The following DYNC2H1 variants were observed in gnomAD, a reference collection of about 807,000 sequenced individuals.
DYNC2H1 encodes the protein dynein cytoplasmic 2 heavy chain 1, also known as cytoplasmic dynein 2 heavy chain 1.
In DYNC2H1, 410 loss-of-function variants were observed where a neutral mutation model predicts 570.0. The ratio of observed to expected loss-of-function variants is 0.72; its 90% CI spans 0.66 to 0.78. The LOEUF (loss-of-function observed/expected upper bound fraction) is 0.78. DYNC2H1 is among the 30% of genes least tolerant of loss of function. The pLI, the probability that DYNC2H1 is intolerant of heterozygous loss-of-function variation, is 0.00. For synonymous variants in DYNC2H1, 1,688 were observed against 1,677.6 expected, an observed-to-expected ratio of 1.01 and a Z score of -0.15; for missense variants, 4,865 against 5,046.4, an observed-to-expected ratio of 0.96 and a Z score of 1.09.
intron 81 of DYNC2H1, among the ~76,000 whole-genome samples, chr11:103,323,343 C>A (rs1405805843): frequency 6.6e-6 from 1 of 152,012 alleles, no homozygotes; most frequent in Non-Finnish European, 1.5e-5. Context: ...TTTTATCACA[C>A]CTCACCAGCA....
chr11:103,134,071 G>T (rs906335208), intron 14 of DYNC2H1, among the ~76,000 whole-genome samples: 4 of 151,642 alleles, frequency 2.6e-5, no homozygotes, highest in African/African-American at 9.7e-5. Context: ...CAGTTATTTT[G>T]TAGAATCTCT....
rs368466350 is a variant in DYNC2H1, at chr11:103,238,269, C to T, written c.9819+1730C>T. ...TTGTGATTCAGAGATATAATCTCCT[C>T]ATTAACTATGCTAAAGCTGGCCTGG... is the stretch of plus-strand genomic sequence containing the variant. On this transcript the variant is annotated intron_variant, in intron 63 of 88. Transcript: ENST00000375735. Among the ~76,000 whole-genome samples, 18 of 152,104 alleles carry T rather than the reference C, an allele frequency of 1.2e-4. No homozygotes were observed. In the East Asian group the frequency reaches 3.5e-3, roughly 29 times the overall value.
At chr11:103,287,702 T>C (rs1357388973) in intron 75 of DYNC2H1, 97 bp downstream of exon 75, 2 of 964,172 alleles carry the variant, frequency 2.1e-6, no homozygotes, top group Non-Finnish European at 3.1e-6. Context: ...AGAAATGTTA[T>C]AATGTCTCTT....
Position 103,436,018 on chromosome 11 carries a change from G to T in DYNC2H1, c.12442G>T (p.Ala4148Ser). 2 of 1,612,318 alleles carry T rather than the reference G, an allele frequency of 1.2e-6. No individual in the cohort carries two copies. Among genetic ancestry groups the T allele is most frequent in the African/African-American group, 1.3e-5 (1 of 74,934 alleles). ...LQYLRGLVAR[A>S]LAIQNWVDKA... is the part of the protein sequence containing the mutation. ...ATACCTGAGAGGTCTTGTTGCCCGT[G>T]CCCTTGCAATACAGGTATGCCTAAA... is the stretch of plus-strand genomic sequence containing the variant. The change falls in exon 85 of 89, where the codon GCC becomes TCC. Residue 4148 changes from alanine (A) to serine (S), a missense_variant. Physicochemically the swap from Ala to Ser is moderately conservative, Grantham distance 99. Transcript: ENST00000375735.
intron 15 of DYNC2H1, among the ~76,000 whole-genome samples, chr11:103,134,853 G>C (rs963856572): frequency 6.6e-6 from 1 of 152,096 alleles, no homozygotes; most frequent in East Asian, 1.9e-4. Context: ...TATAATAGTT[G>C]ATGCATATAA....
Position 103,307,746 on chromosome 11 carries a change from A to G in DYNC2H1, c.11408A>G (p.Asp3803Gly), listed in dbSNP as rs1044436836. Residue 3803 changes from aspartate to glycine, a missense_variant, in exon 78 of 89, where the codon GAT (aspartate) becomes GGT (glycine). Asp to Gly is a moderately conservative substitution (Grantham distance 94, BLOSUM62 -1). This residue lies in a region of DYNC2H1 where 2,401 missense variants were observed against 2,454.6 expected (regional missense o/e 0.98). Coordinates refer to ENST00000375735, the MANE Select transcript of DYNC2H1 (RefSeq NM_001377.3). ...GAATTGAATACTCTTCAACCTAAAG[A>G]TACCTTTCGTCTTTGGCTCACTGCA... ...EKELNTLQPK[D>G]TFRLWLTAEV... 3.7e-6 allele frequency: 6 copies of G among 1,601,670 alleles called. No homozygotes were observed. Among genetic ancestry groups the G allele is most frequent in the African/African-American group, 1.3e-5 (1 of 74,732 alleles).
intron 54 of DYNC2H1, among the ~76,000 whole-genome samples, chr11:103,214,136 A>G (rs189785916): frequency 6.6e-6 from 1 of 152,172 alleles, no homozygotes; most frequent in African/African-American, 2.4e-5. Flanking sequence ...CTATAAATAC[A>G]TGAATTTATT....
chr11:103,344,017 C>T (rs1210253927), intron 82 of DYNC2H1, among the ~76,000 whole-genome samples: 1 of 152,200 alleles, frequency 6.6e-6, no homozygotes. Flanking sequence ...AGCAAAACTA[C>T]TCCATCACTT....
Position 103,261,225 on chromosome 11 carries a change from C to A in DYNC2H1, c.10695+1248C>A, listed in dbSNP as rs1464395614. Among the ~76,000 whole-genome samples the A allele has an allele frequency of 1.3e-5, 2 of 152,170 alleles. No homozygotes were observed. Among genetic ancestry groups the A allele is most frequent in the Non-Finnish European group, 2.9e-5 (2 of 68,028 alleles). On this transcript the variant is annotated intron_variant, in intron 70 of 88. Transcript: ENST00000375735. This position sits in a 1 kb window ranked among gnomAD's most constrained non-coding sequence, Gnocchi z 4.8. ...GGGCTTATAGATAAAACTCCCATCTCCCTGAGACAGAGCAGCTGGGGGGAA... is the reference window on the plus strand; with the variant it reads ...GGGCTTATAGATAAAACTCCCATCTACCTGAGACAGAGCAGCTGGGGGGAA...
At chr11:103,354,202 AT>A (rs1219419502) in intron 82 of DYNC2H1, among the ~76,000 whole-genome samples, 3 of 149,042 alleles carry the variant, frequency 2.0e-5, no homozygotes, top group African/African-American at 7.4e-5. Context: ...AAAAAAAAAA[AT>A]CTCCTGTTTA....
rs573773764 is a variant in DYNC2H1 at position 103,459,954 on chromosome 11, G to A, written c.12648+3598G>A. Among the ~76,000 whole-genome samples, 458 of 101,218 alleles carry A rather than the reference G, an allele frequency of 4.5e-3. 3 individuals are homozygous for A. The highest frequency in any genetic ancestry group is 0.022 in the African/African-American group (438 of 20,148). 66.4% of individuals were successfully genotyped at this position (101,218 alleles called of 152,430 possible). On this transcript the variant is annotated intron_variant, in intron 87 of 88. Transcript: ENST00000375735. ...GGCCTGGGCGACAGAGCGAGACTCCGTCTCAAAAAAAAAAGAAAAAAAAAA... is the reference window on the plus strand; with the variant it reads ...GGCCTGGGCGACAGAGCGAGACTCCATCTCAAAAAAAAAAGAAAAAAAAAA...
In DYNC2H1 at chr11:103,158,954, T is replaced by C. The variant is rs1860962257; in HGVS notation, c.4305T>C (p.Asp1435=). The part of the protein sequence containing the change: ...AFPRFYFIGD[D]DLLEILGQST... Reference sequence around the variant, plus strand: ...CAAGATTTTATTTTATTGGTGATGATGACTTATTAGAAATATTGGGCCAGT... The same window carrying C: ...CAAGATTTTATTTTATTGGTGATGACGACTTATTAGAAATATTGGGCCAGT... Residue 1435 remains aspartate, a synonymous_variant, in exon 28 of 89, where the codon GAT becomes GAC. Transcript: ENST00000375735. 3 of 1,613,300 alleles carry C rather than the reference T, an allele frequency of 1.9e-6. No homozygotes were observed. Among genetic ancestry groups the C allele is most frequent in the East Asian group, 2.2e-5 (1 of 44,842 alleles).
In DYNC2H1 at chr11:103,280,995, T is replaced by A. The variant is rs187634419; in HGVS notation, c.10761+582T>A. On this transcript the variant is annotated intron_variant, in intron 71 of 88. Coordinates refer to ENST00000375735, the MANE Select transcript of DYNC2H1 (RefSeq NM_001377.3). The surrounding 1 kb of genome is among the most constrained non-coding windows in gnomAD (Gnocchi z 4.7). ...ACCATTTCTTGTCTGCTTACAATTTTAAAAAAAAAGCTATTTGCAAGTAAT... is the reference window on the plus strand; with the variant it reads ...ACCATTTCTTGTCTGCTTACAATTTAAAAAAAAAAGCTATTTGCAAGTAAT... 6.9e-3 allele frequency among the ~76,000 whole-genome samples: 1,050 copies of A among 151,200 alleles called. 33 individuals are homozygous for A. Among genetic ancestry groups the A allele is most frequent in the Admixed American group, 0.056 (844 of 15,164 alleles).
At chr11:103,297,008 A>G (rs575405586) in intron 75 of DYNC2H1, among the ~76,000 whole-genome samples, 249 of 151,702 alleles carry the variant, frequency 1.6e-3, no homozygotes, top group Admixed American at 2.8e-3. Flanking sequence ...TTTTTACTAT[A>G]GTTTTACCCT....
At chr11:103,311,775 C>A in intron 78 of DYNC2H1, 103 bp from the exon 79 acceptor site, 1 of 1,115,708 alleles carries the variant, frequency 9.0e-7, no homozygotes, top group Non-Finnish European at 1.3e-6. Context: ...ACCCGGTAAG[C>A]AGTGAAAAAT....
rs1343677790 is a variant in DYNC2H1, at chr11:103,185,699, T to C, written c.6634-543T>C. On this transcript the variant is annotated intron_variant, in intron 41 of 88. Transcript: ENST00000375735. This position sits in a 1 kb window ranked among gnomAD's most constrained non-coding sequence, Gnocchi z 4.5. ...TCCTGTTGCCTCTGTTGCCAGATGC[T>C]TCTCATTGTTACCACTCAGTGACAT... Among the ~76,000 whole-genome samples the C allele has an allele frequency of 1.3e-5, 2 of 151,964 alleles. No homozygotes were observed. The highest frequency in any genetic ancestry group is 4.8e-5 in the African/African-American group (2 of 41,412).
intron 84 of DYNC2H1, among the ~76,000 whole-genome samples, chr11:103,430,414 G>A (rs634684): frequency 0.56 from 84,387 of 151,782 alleles, 24,079 homozygotes; most frequent in East Asian, 0.72. Context: ...GTTTGCTATC[G>A]TTATCCTTCT....
At chr11:103,182,996 G>C (rs1475014207) in intron 40 of DYNC2H1, among the ~76,000 whole-genome samples, 1 of 151,860 alleles carries the variant, frequency 6.6e-6, no homozygotes, top group African/African-American at 2.4e-5. Context: ...TTAGCTCCTA[G>C]TCTGACTGAG....
At chr11:103,459,431 T>A (rs1944925012) in intron 87 of DYNC2H1, among the ~76,000 whole-genome samples, 1 of 152,166 alleles carries the variant, frequency 6.6e-6, no homozygotes, top group Non-Finnish European at 1.5e-5. Flanking sequence ...ATTTGTTGTC[T>A]TATTCTAGTA....
Sources: allele counts gnomAD v4.1 joint callset (sites outside exome capture counted in the v4.1 genomes callset), GRCh38; gene constraint gnomAD v4.1.1; regional missense constraint gnomAD v4.1.1; non-coding constraint Gnocchi (gnomAD v3.1); transcripts MANE v1.5; gene names NCBI Gene and HGNC (gene_info 2026-07-23, HGNC 2026-07-21).